The following MACROD2 variants were observed in gnomAD, a reference collection of about 807,000 sequenced individuals.
MACROD2 encodes mono-ADP ribosylhydrolase 2.
In MACROD2, 36 loss-of-function variants were observed where a neutral mutation model predicts 70.4. The ratio of observed to expected loss-of-function variants is 0.51; its 90% CI spans 0.39 to 0.68. The LOEUF (loss-of-function observed/expected upper bound fraction) is 0.68. Among genes scored for constraint, MACROD2 ranks in the 30% least tolerant of loss-of-function variants. The pLI is 0.00. For missense variants in MACROD2, 496 were observed against 538.4 expected (o/e 0.92, Z 0.78); for synonymous variants, 172 against 178.8 (o/e 0.96, Z 0.30).
rs189372211 is a variant in MACROD2, at chr20:16,007,494, G to C, written c.1153+20336G>C. ...AATGTGCAGAGGTCATCTTCTATAAGGTTTCTTATACAACAGTTTCACCAC... is the reference window on the plus strand; with the variant it reads ...AATGTGCAGAGGTCATCTTCTATAACGTTTCTTATACAACAGTTTCACCAC... On this transcript the variant is annotated intron_variant, in intron 15 of 17. Coordinates refer to ENST00000684519, the MANE Select transcript of MACROD2 (RefSeq NM_001351661.2). 1.8e-3 allele frequency among the ~76,000 whole-genome samples: 276 copies of C among 152,246 alleles called. 1 individual carries two copies. Among genetic ancestry groups the C allele is most frequent in the Non-Finnish European group, 1.7e-3 (114 of 68,016 alleles).
At chr20:14,070,665 C>G (rs1174516392) in intron 2 of MACROD2, among the ~76,000 whole-genome samples, 2 of 152,094 alleles carry the variant, frequency 1.3e-5, no homozygotes, top group Non-Finnish European at 2.9e-5. Flanking sequence ...AGACTAAACT[C>G]ACTTTTCAGG....
intron 9 of MACROD2, among the ~76,000 whole-genome samples, chr20:15,884,074 A>C (rs2064791844): frequency 6.6e-6 from 1 of 152,090 alleles, no homozygotes; most frequent in Non-Finnish European, 1.5e-5. Flanking sequence ...ACAGCTGATG[A>C]ACCTGAAGCT....
chr20:14,765,358 T>G lies in MACROD2; in HGVS notation c.418+80399T>G, dbSNP rs6110424. ...CTGTCCCTGGACTCGCCTCAGCTTC[T>G]CTTCTGCCATATTCCTGCCATTTTT... is the stretch of plus-strand genomic sequence containing the variant. On this transcript the variant is annotated intron_variant, in intron 5 of 17. Coordinates refer to ENST00000684519, the MANE Select transcript of MACROD2 (RefSeq NM_001351661.2). 4.3e-3 allele frequency among the ~76,000 whole-genome samples: 609 copies of G among 140,208 alleles called. 6 individuals carry two copies. The highest frequency in any genetic ancestry group is 0.014 in the African/African-American group (528 of 36,474). The allele number at this position is 140,208 out of a possible 152,430, so 92.0% of individuals were successfully genotyped here.
intron 5 of MACROD2, among the ~76,000 whole-genome samples, chr20:14,876,814 T>G (rs1169867024): frequency 1.3e-5 from 2 of 152,178 alleles, no homozygotes; most frequent in Non-Finnish European, 2.9e-5. Context: ...TTTGTTTCAC[T>G]GGCCTATGCA....
At chr20:14,515,465 G>GCGCACACACACA (rs1369248292) in intron 4 of MACROD2, among the ~76,000 whole-genome samples, 2,477 of 127,108 alleles carry the variant, frequency 0.019, 40 homozygotes, top group East Asian at 0.053. Context: ...ACACACACAC[G>GCGCACACACACA]CACACACACA....
chr20:15,678,972 C>T (rs972118518), intron 8 of MACROD2, among the ~76,000 whole-genome samples: 4 of 152,124 alleles, frequency 2.6e-5, no homozygotes, highest in South Asian at 4.1e-4. Context: ...TGCGGTGGCT[C>T]ACGCCTGTAA....
rs73897230 is a variant in MACROD2, at chr20:14,919,073, A to G, written c.418+234114A>G. Among the ~76,000 whole-genome samples the G allele has an allele frequency of 3.8e-3, 578 of 152,294 alleles. 7 individuals carry two copies. Among genetic ancestry groups the G allele is most frequent in the Middle Eastern group, 0.017 (5 of 294 alleles). On this transcript the variant is annotated intron_variant, in intron 5 of 17. Coordinates refer to ENST00000684519, the MANE Select transcript of MACROD2 (RefSeq NM_001351661.2). ...GATTCATTTGTGTTTTGCGGTGTTT[A>G]TATTTGAGGAAGACAAGGATGTGAA...
chr20:14,862,460 T>A (rs1403384774), intron 5 of MACROD2, among the ~76,000 whole-genome samples: 2 of 21,214 alleles, frequency 9.4e-5, no homozygotes, highest in African/African-American at 3.4e-4. Flanking sequence ...TAAATATATA[T>A]AAATATATAT....
intron 6 of MACROD2, among the ~76,000 whole-genome samples, chr20:15,264,471 G>T (rs1261305727): frequency 6.6e-6 from 1 of 152,096 alleles, no homozygotes; most frequent in Non-Finnish European, 1.5e-5. Context: ...TACACATGAG[G>T]TCCCACAGAG....
chr20:14,013,127 T>C (rs2148618287), intron 2 of MACROD2, among the ~76,000 whole-genome samples: 1 of 152,290 alleles, frequency 6.6e-6, no homozygotes, highest in Admixed American at 6.5e-5. Context: ...TTTTCATATT[T>C]CTAGACTATG....
At chr20:15,936,336 G>A (rs1448435162) in intron 11 of MACROD2, among the ~76,000 whole-genome samples, 1 of 144,354 alleles carries the variant, frequency 6.9e-6, no homozygotes, top group East Asian at 2.0e-4. Flanking sequence ...ATCGGAATAT[G>A]TATATATAAC....
chr20:15,904,533 C>T lies in MACROD2; in HGVS notation c.775+18722C>T, dbSNP rs551875102. 1.1e-3 allele frequency among the ~76,000 whole-genome samples: 166 copies of T among 152,024 alleles called. 5 individuals are homozygous for T. The South Asian group carries it at 0.034, about 31-fold the overall frequency. On this transcript the variant is annotated intron_variant, in intron 10 of 17. Transcript: ENST00000684519. ...CTTGTTGCTTTTCAATAAGAAACTT[C>T]CCAGTTAAGGAATGATCATGTAATT... is the stretch of plus-strand genomic sequence containing the variant.
chr20:14,856,759 C>A (rs577245639), intron 5 of MACROD2, among the ~76,000 whole-genome samples: 20 of 152,192 alleles, frequency 1.3e-4, no homozygotes, highest in African/African-American at 4.3e-4. Context: ...GTGAGGACTG[C>A]ACCTTGAGCA....
At chr20:14,301,673 G>T (rs1490620907) in intron 3 of MACROD2, among the ~76,000 whole-genome samples, 1 of 152,130 alleles carries the variant, frequency 6.6e-6, no homozygotes, top group African/African-American at 2.4e-5. Context: ...AAAATAGAGT[G>T]TTTTTATTCT....
At chr20:14,750,285 G>C (rs2071853110) in intron 5 of MACROD2, among the ~76,000 whole-genome samples, 1 of 152,022 alleles carries the variant, frequency 6.6e-6, no homozygotes, top group Admixed American at 6.5e-5. Flanking sequence ...TAGACAGTTT[G>C]TATTCACTTT....
At chr20:14,808,059 A>G (rs905771225) in intron 5 of MACROD2, among the ~76,000 whole-genome samples, 1 of 152,100 alleles carries the variant, frequency 6.6e-6, no homozygotes, top group African/African-American at 2.4e-5. Context: ...ACCGAGCAAG[A>G]CAGGCCAACA....
At chr20:15,924,822 A>G (rs1282659476) in intron 10 of MACROD2, among the ~76,000 whole-genome samples, 2 of 152,242 alleles carry the variant, frequency 1.3e-5, no homozygotes, top group Non-Finnish European at 2.9e-5. Flanking sequence ...TCATCTTGCC[A>G]GTTCTGTATT....
Position 14,039,749 on chromosome 20 carries a change from AT to A in MACROD2, c.163+37346del, listed in dbSNP as rs1324070749. On this transcript the variant is annotated intron_variant, in intron 2 of 17. Coordinates refer to ENST00000684519, the MANE Select transcript of MACROD2 (RefSeq NM_001351661.2). ...GTTGGCATATATAAGTGATATTGAT[AT>A]AATTGTCTTTTGTTTCATTCTAAAT... Among the ~76,000 whole-genome samples, 3 of 151,714 alleles carry A rather than the reference AT, an allele frequency of 2.0e-5. No individual in the cohort carries two copies. In the East Asian group the frequency reaches 5.8e-4, roughly 29 times the overall value.
chr20:15,809,552 T>TG (rs902183281), intron 8 of MACROD2, among the ~76,000 whole-genome samples: 13 of 152,146 alleles, frequency 8.5e-5, no homozygotes, highest in Admixed American at 5.2e-4. Flanking sequence ...AGCTAGTATG[T>TG]GGGGAGGTGC....
Sources: gnomAD v4.1 joint callset for allele counts (sites outside exome capture counted in the v4.1 genomes callset) on GRCh38, gnomAD v4.1.1 for gene constraint, MANE v1.5 for transcripts, NCBI Gene and HGNC (gene_info 2026-07-23, HGNC 2026-07-21) for gene names.